Variants in SQOR observed in about 807,000 individuals in gnomAD.
The protein encoded by SQOR is sulfide:quinone oxidoreductase, mitochondrial.
In SQOR, 39 loss-of-function variants were observed where a neutral mutation model predicts 48.6. That is an observed-to-expected ratio of 0.80 (90% CI 0.62 to 1.05). The LOEUF is 1.05. Ranked by LOEUF, SQOR falls within the 50% of genes least tolerant of loss-of-function variation. The pLI is 0.00. For missense variants in SQOR, 561 were observed against 559.9 expected, an observed-to-expected ratio of 1.00 and a Z score of -0.02; for synonymous variants, 220 against 206.2, an observed-to-expected ratio of 1.07 and a Z score of -0.57.
intron 1 of SQOR, among the ~76,000 whole-genome samples, chr15:45,638,826 C>T (rs752920825): frequency 3.9e-5 from 6 of 151,914 alleles, no homozygotes; most frequent in African/African-American, 7.3e-5. Context: ...GAAGATGACT[C>T]GTCAGGAGCA....
intron 4 of SQOR, among the ~76,000 whole-genome samples, chr15:45,672,743 T>C (rs1889967170): frequency 6.6e-6 from 1 of 152,246 alleles, no homozygotes; most frequent in African/African-American, 2.4e-5. Flanking sequence ...GTTGATCTTA[T>C]TGGCAATAAT....
intron 1 of SQOR, among the ~76,000 whole-genome samples, chr15:45,637,415 C>A (rs1054712200): frequency 6.6e-6 from 1 of 152,128 alleles, no homozygotes; most frequent in African/African-American, 2.4e-5. Flanking sequence ...TATTTGTATC[C>A]CTCCCAAGCT....
intron 1 of SQOR, among the ~76,000 whole-genome samples, chr15:45,643,892 T>A (rs1342984992): frequency 6.6e-6 from 1 of 152,158 alleles, no homozygotes; most frequent in Middle Eastern, 3.2e-3. Context: ...GAATGGAGGA[T>A]AGTATATGAC....
intron 7 of SQOR, among the ~76,000 whole-genome samples, chr15:45,686,437 C>A (rs544215834): frequency 1.8e-4 from 28 of 152,226 alleles, no homozygotes; most frequent in African/African-American, 6.3e-4. Context: ...CAGGCGTGAG[C>A]CACCGCGCCC....
intron 1 of SQOR, among the ~76,000 whole-genome samples, chr15:45,656,773 C>A (rs1244097864): frequency 1.3e-5 from 2 of 151,986 alleles, no homozygotes; most frequent in Non-Finnish European, 2.9e-5. Flanking sequence ...TAATTTGTAT[C>A]CTGATCATGA....
In SQOR at chr15:45,676,322, GGCTAA is replaced by G; in HGVS notation, c.864+16_864+20del. The stretch of plus-strand genomic sequence containing the variant: ...CCCAAGTGATTTCAGTGAGTGGTGA[GGCTAA>G]GCTGTCAGCATGAAGCGTTGTCTGC... On this transcript the variant is annotated intron_variant, in intron 6 of 9. Transcript: ENST00000260324. 1 of 1,613,446 alleles carries G rather than the reference GGCTAA, an allele frequency of 6.2e-7. No homozygotes were observed. The highest frequency in any genetic ancestry group is 8.5e-7 in the Non-Finnish European group (1 of 1,179,680).
At chr15:45,676,590 G>A (rs754705717) in intron 6 of SQOR, among the ~76,000 whole-genome samples, 5 of 152,206 alleles carry the variant, frequency 3.3e-5, no homozygotes, top group Non-Finnish European at 7.3e-5. Context: ...CTGGCATCGA[G>A]TCACTTGAGG....
chr15:45,642,394 A>T (rs1291853081), intron 1 of SQOR, among the ~76,000 whole-genome samples: 1 of 152,096 alleles, frequency 6.6e-6, no homozygotes, highest in African/African-American at 2.4e-5. Context: ...AATCTGGAAT[A>T]TTTTTTGTCG....
intron 6 of SQOR, 135 bp from the exon 7 acceptor site, chr15:45,682,343 C>G: frequency 1.2e-6 from 1 of 849,956 alleles, no homozygotes; most frequent in Non-Finnish European, 1.8e-6. Context: ...AGGGCGTGGA[C>G]TGGTACAAGT....
chr15:45,689,790 C>G lies in SQOR; in HGVS notation c.1295+573C>G, dbSNP rs1041310901. On this transcript the variant is annotated intron_variant, in intron 9 of 9. Coordinates refer to ENST00000260324, the MANE Select transcript of SQOR (RefSeq NM_021199.4). The stretch of plus-strand genomic sequence containing the variant: ...AAGAGCACAGACTTTGGAGTCAGAC[C>G]TGCATTTGAGTCATACTTCTGCTAT... 2.6e-5 allele frequency among the ~76,000 whole-genome samples: 4 copies of G among 152,072 alleles called. No homozygotes were observed. The East Asian group carries it at 7.7e-4, about 29-fold the overall frequency.
intron 1 of SQOR, among the ~76,000 whole-genome samples, chr15:45,652,638 CTTTTTTTTT>C (rs757986564): frequency 2.0e-4 from 12 of 60,280 alleles, no homozygotes; most frequent in South Asian, 6.6e-4. Flanking sequence ...CGTGAGCCTC[CTTTTTTTTT>C]TTTTTTTTTT....
intron 1 of SQOR, among the ~76,000 whole-genome samples, chr15:45,637,884 G>T (rs1268969012): frequency 1.3e-5 from 2 of 152,180 alleles, no homozygotes; most frequent in African/African-American, 4.8e-5. Flanking sequence ...ACGTTTCCCT[G>T]CTCCACTATC....
intron 4 of SQOR, among the ~76,000 whole-genome samples, chr15:45,672,486 G>C (rs906659935): frequency 1.3e-4 from 20 of 152,222 alleles, no homozygotes; most frequent in Middle Eastern, 3.4e-3. Flanking sequence ...ATGAACTCAG[G>C]CCACTGAGGA....
chr15:45,662,239 A>C, intron 3 of SQOR, 114 bp downstream of exon 3: 1 of 1,109,708 alleles, frequency 9.0e-7, no homozygotes, highest in Non-Finnish European at 1.3e-6. Context: ...ATGTGTGTGC[A>C]TGAACGTATG....
At chr15:45,686,214 C>T (rs553244620) in intron 7 of SQOR, among the ~76,000 whole-genome samples, 24 of 152,096 alleles carry the variant, frequency 1.6e-4, no homozygotes, top group African/African-American at 5.5e-4. Flanking sequence ...TGCAGTGGCA[C>T]GATCTTGGCT....
At chr15:45,636,951 C>T (rs1249843817) in intron 1 of SQOR, among the ~76,000 whole-genome samples, 1 of 151,406 alleles carries the variant, frequency 6.6e-6, no homozygotes, top group African/African-American at 2.4e-5. Context: ...GGGCTTGACA[C>T]TTCCATTGAC....
chr15:45,663,109 C>T (rs1465680504), intron 3 of SQOR, among the ~76,000 whole-genome samples: 1 of 152,126 alleles, frequency 6.6e-6, no homozygotes, highest in Non-Finnish European at 1.5e-5. Flanking sequence ...CCTCTACCTC[C>T]TGGGTTCAAG....
chr15:45,633,844 T>C (rs1164769140), upstream of SQOR, among the ~76,000 whole-genome samples: 2 of 151,754 alleles, frequency 1.3e-5, no homozygotes, highest in Non-Finnish European at 2.9e-5. Flanking sequence ...GTCTCTTTGA[T>C]TAAAGATAGA....
chr15:45,688,276 A>G, intron 7 of SQOR, 61 bp from the exon 8 acceptor site: 1 of 1,232,194 alleles, frequency 8.1e-7, no homozygotes, highest in East Asian at 2.4e-5. Context: ...TTATTTGCAA[A>G]TTAGTTTTCA....
Sources: gnomAD v4.1 joint callset for allele counts (sites outside exome capture counted in the v4.1 genomes callset) on GRCh38, gnomAD v4.1.1 for gene constraint, MANE v1.5 for transcripts, NCBI Gene and HGNC (gene_info 2026-07-23, HGNC 2026-07-21) for gene names.